SIL1: variants seen among roughly 807,000 people sequenced by gnomAD.
SIL1 encodes nucleotide exchange factor SIL1.
SIL1 carries 40 observed loss-of-function variants against 49.1 expected under a neutral mutation model. The observed-to-expected ratio is 0.81, with a 90% CI of 0.63 to 1.06. The LOEUF (loss-of-function observed/expected upper bound fraction) is 1.06. Ranked by LOEUF, SIL1 falls within the 50% of genes least tolerant of loss-of-function variation. SIL1 has a pLI of 0.00. For missense variants in SIL1, 500 were observed against 572.6 expected (o/e 0.87, Z 1.29); for synonymous variants, 253 against 250.8 (o/e 1.01, Z -0.08).
At chr5:139,051,550 A>G (rs765475102) in intron 3 of SIL1, among the ~76,000 whole-genome samples, 20 of 152,166 alleles carry the variant, frequency 1.3e-4, no homozygotes, top group Admixed American at 2.6e-4. Flanking sequence ...GGCTCCTTCT[A>G]TGAGGCTCTC....
At position 138,947,380 on chromosome 5, in the gene SIL1, C is replaced by G; in HGVS notation, c.1123G>C (p.Glu375Gln). The change falls in exon 10 of 10, where the codon GAA becomes CAA. Residue 375 changes from glutamate (E) to glutamine (Q), a missense_variant. By Grantham distance (29) the Glu-to-Gln change is conservative. Transcript: ENST00000394817. The surrounding 1 kb of genome is among the most constrained non-coding windows in gnomAD (Gnocchi z 4.1). ...RQVHLLPGLW[E>Q]QGWCEITAHL... ...GCCGTGATCTCGCACCAGCCCTGTT[C>G]CCACAGGCCTGGCAGGAGGTGTACC... is the stretch of plus-strand genomic sequence containing the variant. 1 of 1,613,728 alleles carries G rather than the reference C, an allele frequency of 6.2e-7. No individual in the cohort carries two copies. The highest frequency in any genetic ancestry group is 8.5e-7 in the Non-Finnish European group (1 of 1,180,004).
At chr5:139,041,199 T>C (rs928654714) in intron 5 of SIL1, among the ~76,000 whole-genome samples, 4 of 152,042 alleles carry the variant, frequency 2.6e-5, no homozygotes, top group Admixed American at 6.5e-5. Flanking sequence ...ATTGCGAGCA[T>C]TGCCTTCCTT....
intron 7 of SIL1, among the ~76,000 whole-genome samples, chr5:139,004,171 A>G (rs756295539): frequency 3.4e-4 from 51 of 152,014 alleles, no homozygotes; most frequent in Non-Finnish European, 6.3e-4. Flanking sequence ...TTTAATTTTT[A>G]ATTATTAGTT....
intron 1 of SIL1, among the ~76,000 whole-genome samples, chr5:139,192,410 GTGA>G (rs1752190337): frequency 6.6e-6 from 1 of 152,202 alleles, no homozygotes; most frequent in South Asian, 2.1e-4. Context: ...TTTTCTGCCA[GTGA>G]TGATAAGTGG....
chr5:138,974,704 C>A (rs984137346), intron 7 of SIL1, among the ~76,000 whole-genome samples: 5 of 152,124 alleles, frequency 3.3e-5, no homozygotes, highest in African/African-American at 1.2e-4. Flanking sequence ...CTTTATGTTG[C>A]TTGGGAAGTC....
chr5:138,951,116 C>T (rs546553482), intron 9 of SIL1, 55 bp downstream of exon 9: 2 of 1,576,686 alleles, frequency 1.3e-6, no homozygotes, highest in African/African-American at 1.3e-5. Flanking sequence ...TGTCCATCCA[C>T]CCAGAAGCAC....
At chr5:139,047,221 TGTACTAC>T (rs781078861) in intron 4 of SIL1, among the ~76,000 whole-genome samples, 2 of 152,226 alleles carry the variant, frequency 1.3e-5, no homozygotes, top group Non-Finnish European at 2.9e-5. Context: ...AAAAGAGAGA[TGTACTAC>T]GTTGACAGGG....
At position 138,947,465 on chromosome 5, in the gene SIL1, G is replaced by A. The variant is rs371273360; in HGVS notation, c.1038C>T (p.Ala346=). Residue 346 remains alanine, a synonymous_variant, in exon 10 of 10, where the codon GCC becomes GCT. Transcript: ENST00000394817. The surrounding 1 kb of genome is among the most constrained non-coding windows in gnomAD (Gnocchi z 4.1). The stretch of plus-strand genomic sequence containing the variant: ...CCTGGGTCAGCTCAGCCTCCTCCTC[G>A]GCGAACATCTGCCATCCGCCACAGC... The part of the protein sequence containing the change: ...LYDLVTEKMF[A]EEEAELTQEM... 1.5e-5 allele frequency: 24 copies of A among 1,613,158 alleles called. No homozygotes were observed. The highest frequency in any genetic ancestry group is 1.0e-4 in the Admixed American group (6 of 60,002).
chr5:139,056,448 T>G (rs1769427020), intron 3 of SIL1, among the ~76,000 whole-genome samples: 2 of 148,762 alleles, frequency 1.3e-5, no homozygotes, highest in African/African-American at 5.0e-5. Context: ...CCACCCCGTC[T>G]GGGAAGTGAG....
intron 3 of SIL1, among the ~76,000 whole-genome samples, chr5:139,081,060 T>C (rs1770062073): frequency 6.6e-6 from 1 of 152,198 alleles, no homozygotes; most frequent in Admixed American, 6.5e-5. Flanking sequence ...CATTAACCAC[T>C]GTTATCGCAA....
At position 138,947,849 on chromosome 5, in the gene SIL1, A is replaced by G. The variant is rs1472725318; in HGVS notation, c.1030-376T>C. Among the ~76,000 whole-genome samples the G allele has an allele frequency of 2.0e-5, 3 of 152,212 alleles. No individual in the cohort carries two copies. Among genetic ancestry groups the G allele is most frequent in the Non-Finnish European group, 4.4e-5 (3 of 68,038 alleles). ...TGCTCCACCACTGACTTGCTGAATG[A>G]CCATGGCTGGCACTTAGCCTCCCTG... On this transcript the variant is annotated intron_variant, in intron 9 of 9. Coordinates refer to ENST00000394817, the MANE Select transcript of SIL1 (RefSeq NM_022464.5). The surrounding 1 kb of genome is among the most constrained non-coding windows in gnomAD (Gnocchi z 4.1).
chr5:139,048,538 G>A (rs1769219883), intron 4 of SIL1, among the ~76,000 whole-genome samples: 1 of 151,864 alleles, frequency 6.6e-6, no homozygotes, highest in African/African-American at 2.4e-5. Flanking sequence ...ACCACCTCCA[G>A]CTAATTTTTA....
chr5:139,079,721 T>C (rs1260459777), intron 3 of SIL1, among the ~76,000 whole-genome samples: 2 of 152,220 alleles, frequency 1.3e-5, no homozygotes, highest in Non-Finnish European at 2.9e-5. Context: ...TAATGTCTTA[T>C]AAGACTAACT....
chr5:139,176,570 T>C (rs1308678405), intron 1 of SIL1, among the ~76,000 whole-genome samples: 1 of 152,242 alleles, frequency 6.6e-6, no homozygotes, highest in African/African-American at 2.4e-5. Context: ...CTAACAATTC[T>C]AAAGGCTTGG....
chr5:139,048,379 T>G (rs1323997292), intron 4 of SIL1, among the ~76,000 whole-genome samples: 3 of 141,942 alleles, frequency 2.1e-5, no homozygotes, highest in South Asian at 2.3e-4. Flanking sequence ...GTTTTTTTTT[T>G]TTTTTTTTTT....
At chr5:139,080,116 T>C (rs564994551) in intron 3 of SIL1, among the ~76,000 whole-genome samples, 75 of 152,350 alleles carry the variant, frequency 4.9e-4, no homozygotes, top group African/African-American at 1.8e-3. Flanking sequence ...GTGAATGATG[T>C]ATTTTTCTCC....
rs572315171 is a variant in SIL1, at chr5:139,056,323, G to A, written c.245-5277C>T. Among the ~76,000 whole-genome samples, 251 of 148,854 alleles carry A rather than the reference G, an allele frequency of 1.7e-3. 1 individual carries two copies. The highest frequency in any genetic ancestry group is 6.2e-3 in the African/African-American group (250 of 40,126). The stretch of plus-strand genomic sequence containing the variant: ...ATGTGGGGAGCGCCTCTGCCCTGCC[G>A]CCCCGTCTGGGAGGTGAGGAGCATC... On this transcript the variant is annotated intron_variant, in intron 3 of 9. Coordinates refer to ENST00000394817, the MANE Select transcript of SIL1 (RefSeq NM_022464.5).
chr5:139,059,470 T>C (rs954307764), intron 3 of SIL1, among the ~76,000 whole-genome samples: 4 of 152,216 alleles, frequency 2.6e-5, no homozygotes, highest in Admixed American at 1.3e-4. Context: ...GCATGGAAAC[T>C]AATATATACA....
chr5:138,969,438 A>G (rs1260822210), intron 7 of SIL1, among the ~76,000 whole-genome samples: 2 of 152,222 alleles, frequency 1.3e-5, no homozygotes, highest in African/African-American at 2.4e-5. Flanking sequence ...CTAACACAGT[A>G]CCAGCCCAAC....
Sources: gnomAD v4.1 joint callset for allele counts (sites outside exome capture counted in the v4.1 genomes callset) on GRCh38, gnomAD v4.1.1 for gene constraint, Gnocchi (gnomAD v3.1) non-coding constraint, MANE v1.5 for transcripts, NCBI Gene and HGNC (gene_info 2026-07-23, HGNC 2026-07-21) for gene names.